TMEM135: variants seen among roughly 807,000 people sequenced by gnomAD.
The protein encoded by TMEM135 is transmembrane protein 135.
Under a neutral mutation model 60.3 loss-of-function variants are expected in TMEM135, and 30 were observed. The ratio of observed to expected loss-of-function variants is 0.50; its 90% CI spans 0.37 to 0.68. The LOEUF is 0.68. Ranked by LOEUF, TMEM135 falls within the 30% of genes least tolerant of loss-of-function variation. The pLI is 0.00. For missense variants in TMEM135, 468 were observed against 548.8 expected, an observed-to-expected ratio of 0.85 and a Z score of 1.47; for synonymous variants, 190 against 186.7, an observed-to-expected ratio of 1.02 and a Z score of -0.14.
chr11:87,293,483 C>G (rs1024775518), intron 6 of TMEM135, among the ~76,000 whole-genome samples: 1 of 151,994 alleles, frequency 6.6e-6, no homozygotes, highest in Non-Finnish European at 1.5e-5. Context: ...CTGCACCTAT[C>G]GAGCAGTCCT....
chr11:87,182,836 C>T (rs1453274908), intron 5 of TMEM135, among the ~76,000 whole-genome samples: 1 of 151,896 alleles, frequency 6.6e-6, no homozygotes, highest in Non-Finnish European at 1.5e-5. Flanking sequence ...TGAATATTTA[C>T]TGCTAAATAT....
chr11:87,079,877 T>G (rs1199569327), intron 3 of TMEM135, among the ~76,000 whole-genome samples: 4 of 147,624 alleles, frequency 2.7e-5, no homozygotes, highest in African/African-American at 1.0e-4. Context: ...AGCCTCACTC[T>G]GTCGCCCAGG....
At position 87,250,687 on chromosome 11, in the gene TMEM135, A is replaced by G. The variant is rs750442152; in HGVS notation, c.509+14003A>G. On this transcript the variant is annotated intron_variant, in intron 6 of 14. Coordinates refer to ENST00000305494, the MANE Select transcript of TMEM135 (RefSeq NM_022918.4). ...TTTAAGACTTGTTTTGTGGCCAAAT[A>G]TATGGTCTTAGGTTCTTTTTAAAAA... Among the ~76,000 whole-genome samples, 6 of 152,194 alleles carry G rather than the reference A, an allele frequency of 3.9e-5. No homozygotes were observed. In the East Asian group the frequency reaches 9.6e-4, roughly 24 times the overall value.
chr11:87,246,812 T>C (rs1439878682), intron 6 of TMEM135, among the ~76,000 whole-genome samples: 4 of 116,576 alleles, frequency 3.4e-5, no homozygotes, highest in African/African-American at 6.5e-5. Context: ...CTCCTGTAGC[T>C]CAGAGTAGTT....
intron 5 of TMEM135, among the ~76,000 whole-genome samples, chr11:87,201,893 A>T (rs1393632492): frequency 6.6e-6 from 1 of 152,118 alleles, no homozygotes; most frequent in East Asian, 1.9e-4. Flanking sequence ...CTGTCTTATG[A>T]TAAAGATTTA....
At chr11:87,159,617 A>ACCCCCCC (rs1555112002) in intron 5 of TMEM135, among the ~76,000 whole-genome samples, 3 of 149,340 alleles carry the variant, frequency 2.0e-5, no homozygotes, top group African/African-American at 7.4e-5. Flanking sequence ...ACACACACAC[A>ACCCCCCC]CCATAGATTT....
intron 1 of TMEM135, among the ~76,000 whole-genome samples, chr11:87,066,967 A>T (rs1234720038): frequency 2.0e-5 from 3 of 150,970 alleles, no homozygotes; most frequent in Non-Finnish European, 4.4e-5. Context: ...TTTTTAGGAG[A>T]GACAAGGTTT....
chr11:87,245,481 A>G (rs1225777145), intron 6 of TMEM135, among the ~76,000 whole-genome samples: 1 of 138,674 alleles, frequency 7.2e-6, no homozygotes, highest in Admixed American at 7.1e-5. Context: ...ATTGTGTGGG[A>G]GTCTAAGTCT....
chr11:87,166,717 A>G (rs1370152657), intron 5 of TMEM135, among the ~76,000 whole-genome samples: 1 of 151,070 alleles, frequency 6.6e-6, no homozygotes, highest in African/African-American at 2.5e-5. Context: ...GCCTTGTAGT[A>G]TAGTTTGAAG....
At chr11:87,229,006 A>C (rs1423970213) in intron 5 of TMEM135, among the ~76,000 whole-genome samples, 1 of 152,136 alleles carries the variant, frequency 6.6e-6, no homozygotes, top group Non-Finnish European at 1.5e-5. Context: ...TAAGACCTAT[A>C]ACAGGAAACA....
chr11:87,078,851 A>C (rs1856926617), intron 3 of TMEM135, among the ~76,000 whole-genome samples: 1 of 151,650 alleles, frequency 6.6e-6, no homozygotes, highest in Non-Finnish European at 1.5e-5. Flanking sequence ...CGAGCTCCTG[A>C]CCTAAGGTGA....
At chr11:87,269,615 G>A (rs181200841) in intron 6 of TMEM135, among the ~76,000 whole-genome samples, 2 of 151,360 alleles carry the variant, frequency 1.3e-5, no homozygotes, top group African/African-American at 2.4e-5. Flanking sequence ...TTGTCCTTGC[G>A]ATAGTTTATG....
intron 4 of TMEM135, among the ~76,000 whole-genome samples, chr11:87,133,696 T>C (rs1229542059): frequency 2.0e-5 from 3 of 152,210 alleles, no homozygotes; most frequent in African/African-American, 7.2e-5. Context: ...TCCTTTCAGC[T>C]TCTCCCTCCC....
intron 6 of TMEM135, among the ~76,000 whole-genome samples, chr11:87,248,347 T>A (rs1941337085): frequency 6.6e-6 from 1 of 152,208 alleles, no homozygotes; most frequent in Non-Finnish European, 1.5e-5. Flanking sequence ...TTTCTTCACA[T>A]CTTCTCACAG....
chr11:87,062,725 A>G (rs983597911), intron 1 of TMEM135, among the ~76,000 whole-genome samples: 4 of 152,044 alleles, frequency 2.6e-5, no homozygotes, highest in Admixed American at 6.6e-5. Context: ...GGCCTCCCAA[A>G]GTGCTGGGAT....
chr11:87,315,928 A>T (rs1170879766), intron 12 of TMEM135, among the ~76,000 whole-genome samples: 1 of 152,022 alleles, frequency 6.6e-6, no homozygotes, highest in African/African-American at 2.4e-5. Context: ...TTGTTGTAAC[A>T]TAACACCATT....
chr11:87,113,966 CATT>C (rs769977546), intron 4 of TMEM135, among the ~76,000 whole-genome samples: 14 of 152,134 alleles, frequency 9.2e-5, no homozygotes, highest in South Asian at 4.1e-4. Context: ...TTGCTATTGT[CATT>C]GTTGTTGTCA....
intron 6 of TMEM135, among the ~76,000 whole-genome samples, chr11:87,288,794 C>T (rs1942213102): frequency 6.6e-6 from 1 of 152,046 alleles, no homozygotes; most frequent in African/African-American, 2.4e-5. Context: ...TGCGTTGCCT[C>T]TGAAGAAATA....
At chr11:87,154,186 G>T (rs1057380513) in intron 4 of TMEM135, among the ~76,000 whole-genome samples, 3 of 152,070 alleles carry the variant, frequency 2.0e-5, no homozygotes, top group African/African-American at 7.2e-5. Flanking sequence ...CTGTCTCAAT[G>T]AATTTCACTA....
Sources: gnomAD v4.1 joint callset for allele counts (sites outside exome capture counted in the v4.1 genomes callset) on GRCh38, gnomAD v4.1.1 for gene constraint, MANE v1.5 for transcripts, NCBI Gene and HGNC (gene_info 2026-07-23, HGNC 2026-07-21) for gene names.